The following HS6ST3 variants were observed in gnomAD, a reference collection of about 807,000 sequenced individuals.
HS6ST3 encodes heparan sulfate 6-O-sulfotransferase 3, also known as heparan-sulfate 6-O-sulfotransferase 3.
In HS6ST3, 12 loss-of-function variants were observed where a neutral mutation model predicts 36.7. The ratio of observed to expected loss-of-function variants is 0.33; its 90% CI spans 0.21 to 0.53. The LOEUF (loss-of-function observed/expected upper bound fraction) is 0.53. Ranked by LOEUF, HS6ST3 falls within the 20% of genes least tolerant of loss-of-function variation. HS6ST3 has a pLI of 0.95. For missense variants in HS6ST3, 584 were observed against 640.9 expected (o/e 0.91, Z 0.96); for synonymous variants, 240 against 257.5 (o/e 0.93, Z 0.65).
chr13:96,733,093 C>A (rs983106752), intron 1 of HS6ST3, among the ~76,000 whole-genome samples: 21 of 152,026 alleles, frequency 1.4e-4, no homozygotes, highest in African/African-American at 4.8e-4. Flanking sequence ...GACAGTTTAA[C>A]TTCTTTCTTT....
intron 1 of HS6ST3, among the ~76,000 whole-genome samples, chr13:96,800,326 A>G (rs1878036638): frequency 1.3e-5 from 2 of 151,010 alleles, no homozygotes; most frequent in Non-Finnish European, 3.0e-5. Context: ...TTGTGCTGCC[A>G]CCAAGTATTT....
At chr13:96,370,144 C>A (rs547488723) in intron 1 of HS6ST3, among the ~76,000 whole-genome samples, 3 of 152,246 alleles carry the variant, frequency 2.0e-5, no homozygotes, top group African/African-American at 7.2e-5. Context: ...GGTTGCCAGT[C>A]CAATAAATTT....
At chr13:96,420,981 T>C (rs1277657206) in intron 1 of HS6ST3, among the ~76,000 whole-genome samples, 1 of 152,194 alleles carries the variant, frequency 6.6e-6, no homozygotes, top group East Asian at 1.9e-4. Flanking sequence ...TTGTTTTTCT[T>C]CTACTCTTAT....
chr13:96,489,564 A>G (rs1172125894), intron 1 of HS6ST3, among the ~76,000 whole-genome samples: 1 of 152,016 alleles, frequency 6.6e-6, no homozygotes, highest in Non-Finnish European at 1.5e-5. Flanking sequence ...TTTTCTTTAA[A>G]AATTAATTAT....
At chr13:96,396,733 G>A (rs921658507) in intron 1 of HS6ST3, among the ~76,000 whole-genome samples, 9 of 152,134 alleles carry the variant, frequency 5.9e-5, no homozygotes, top group Non-Finnish European at 4.4e-5. Context: ...ACTACAGGTG[G>A]CCCTTGGGCA....
At chr13:96,712,506 G>T (rs371168445) in intron 1 of HS6ST3, among the ~76,000 whole-genome samples, 2 of 152,096 alleles carry the variant, frequency 1.3e-5, no homozygotes, top group Non-Finnish European at 2.9e-5. Flanking sequence ...TTATTCCAGG[G>T]TGGGGGTTCA....
chr13:96,509,606 T>A (rs2056040795), intron 1 of HS6ST3, among the ~76,000 whole-genome samples: 1 of 152,234 alleles, frequency 6.6e-6, no homozygotes, highest in South Asian at 2.1e-4. Context: ...AGGGCATCCA[T>A]GCCCCAATTT....
intron 1 of HS6ST3, among the ~76,000 whole-genome samples, chr13:96,809,676 G>A (rs1454863781): frequency 6.6e-6 from 1 of 152,184 alleles, no homozygotes; most frequent in African/African-American, 2.4e-5. Context: ...GGCAGGCAGA[G>A]GTGTGTTTTA....
rs1231374726 is a variant in HS6ST3, at chr13:96,730,423, T to C, written c.708-102067T>C. Among the ~76,000 whole-genome samples the C allele has an allele frequency of 4.6e-5, 7 of 152,316 alleles. No individual in the cohort carries two copies. In the East Asian group the frequency reaches 1.4e-3, roughly 29 times the overall value. ...CAAGTAAAAAGCACTAGATAAACAC[T>C]AGTAGAGTTAATTGGATCACCAGGT... On this transcript the variant is annotated intron_variant, in intron 1 of 1. Coordinates refer to ENST00000376705, the MANE Select transcript of HS6ST3 (RefSeq NM_153456.4).
At chr13:96,694,579 T>G (rs1359046315) in intron 1 of HS6ST3, among the ~76,000 whole-genome samples, 1 of 152,208 alleles carries the variant, frequency 6.6e-6, no homozygotes, top group African/African-American at 2.4e-5. Context: ...CTGGTTCAAA[T>G]AGTAGTTCTG....
chr13:96,802,977 C>T (rs1279347454), intron 1 of HS6ST3, among the ~76,000 whole-genome samples: 7 of 152,154 alleles, frequency 4.6e-5, no homozygotes, highest in African/African-American at 7.2e-5. Flanking sequence ...TACATAACCT[C>T]CCTCATCCCC....
intron 1 of HS6ST3, among the ~76,000 whole-genome samples, chr13:96,173,948 C>T (rs2054200850): frequency 6.6e-6 from 1 of 151,906 alleles, no homozygotes; most frequent in Non-Finnish European, 1.5e-5. Flanking sequence ...CATGTGTAAT[C>T]TGTAGGTAAA....
chr13:96,094,733 G>A (rs1360919688), intron 1 of HS6ST3, among the ~76,000 whole-genome samples: 2 of 152,174 alleles, frequency 1.3e-5, no homozygotes, highest in African/African-American at 4.8e-5. Context: ...TCATGAAGGG[G>A]CAGGACCCCG....
chr13:96,729,291 TG>T (rs531011009), intron 1 of HS6ST3, among the ~76,000 whole-genome samples: 110 of 152,214 alleles, frequency 7.2e-4, no homozygotes, highest in African/African-American at 2.5e-3. Flanking sequence ...AAAGTAGTGC[TG>T]TCCTTGCATC....
In HS6ST3 at chr13:96,689,690, C is replaced by T. The variant is rs374049412; in HGVS notation, c.708-142800C>T. On this transcript the variant is annotated intron_variant, in intron 1 of 1. Coordinates refer to ENST00000376705, the MANE Select transcript of HS6ST3 (RefSeq NM_153456.4). The stretch of plus-strand genomic sequence containing the variant: ...CTTTATAAACACCAAGAAAATGCAG[C>T]ACAAGTTGTGGTCCATGTTTAGAGA... Among the ~76,000 whole-genome samples the T allele has an allele frequency of 2.7e-4, 38 of 140,078 alleles. 1 individual carries two copies. Among genetic ancestry groups the T allele is most frequent in the African/African-American group, 1.0e-3 (37 of 36,996 alleles). The allele number at this position is 140,078 out of a possible 152,430, so 91.9% of individuals were successfully genotyped here.
intron 1 of HS6ST3, among the ~76,000 whole-genome samples, chr13:96,476,124 C>A (rs1366288748): frequency 1.3e-5 from 2 of 152,126 alleles, no homozygotes; most frequent in African/African-American, 4.8e-5. Flanking sequence ...ATTCTCATAG[C>A]TGGTGAAAGG....
intron 1 of HS6ST3, among the ~76,000 whole-genome samples, chr13:96,265,914 T>A (rs1409323046): frequency 1.3e-5 from 2 of 152,166 alleles, no homozygotes; most frequent in African/African-American, 4.8e-5. Flanking sequence ...TATTGGGTAG[T>A]TTGCTTCACT....
At chr13:96,810,910 A>C (rs766248171) in intron 1 of HS6ST3, among the ~76,000 whole-genome samples, 2 of 152,188 alleles carry the variant, frequency 1.3e-5, no homozygotes, top group Non-Finnish European at 2.9e-5. Flanking sequence ...TTACAGTTCA[A>C]GTTTTCCTGT....
chr13:96,169,354 CTGTT>C (rs1320472478), intron 1 of HS6ST3, among the ~76,000 whole-genome samples: 1 of 151,588 alleles, frequency 6.6e-6, no homozygotes, highest in Admixed American at 6.6e-5. Context: ...TATAGGAAAA[CTGTT>C]TGGTAGCATT....
Sources: gnomAD v4.1 joint callset for allele counts (sites outside exome capture counted in the v4.1 genomes callset) on GRCh38, gnomAD v4.1.1 for gene constraint, MANE v1.5 for transcripts, NCBI Gene and HGNC (gene_info 2026-07-23, HGNC 2026-07-21) for gene names.